The following WWOX variants were observed in gnomAD, a reference collection of about 807,000 sequenced individuals.
The protein encoded by WWOX is WW domain-containing oxidoreductase.
WWOX carries 69 observed loss-of-function variants against 46.2 expected under a neutral mutation model. That is an observed-to-expected ratio of 1.49 (90% CI 1.23 to 1.82). The LOEUF (loss-of-function observed/expected upper bound fraction) is 1.82. Among genes scored for constraint, WWOX ranks in the 40% most tolerant of loss-of-function variants. The pLI is 0.00. For missense variants in WWOX, 919 were observed against 542.6 expected (o/e 1.69, Z -6.89); for synonymous variants, 359 against 202.6 (o/e 1.77, Z -6.56).
intron 8 of WWOX, among the ~76,000 whole-genome samples, chr16:78,860,517 AC>A (rs1187669280): frequency 6.6e-6 from 1 of 152,104 alleles, no homozygotes; most frequent in Non-Finnish European, 1.5e-5. Context: ...GAAAAAATGG[AC>A]CTCTTATCAT....
intron 8 of WWOX, among the ~76,000 whole-genome samples, chr16:78,726,741 G>A (rs572727125): frequency 6.6e-6 from 1 of 151,338 alleles, no homozygotes; most frequent in Non-Finnish European, 1.5e-5. Flanking sequence ...TTTTTTGCCA[G>A]GGGATGCTGT....
chr16:78,157,436 T>C (rs550113981), intron 4 of WWOX, among the ~76,000 whole-genome samples: 3 of 152,262 alleles, frequency 2.0e-5, no homozygotes, highest in African/African-American at 7.2e-5. Context: ...TAAAAATGAG[T>C]AAATTTGAGA....
intron 8 of WWOX, among the ~76,000 whole-genome samples, chr16:78,802,982 T>A (rs972383384): frequency 2.6e-4 from 28 of 107,196 alleles, no homozygotes; most frequent in African/African-American, 4.9e-4. Context: ...GCAAGAAAGA[T>A]GAAATGATTT....
chr16:78,883,660 G>A (rs2044390202), intron 8 of WWOX, among the ~76,000 whole-genome samples: 1 of 151,766 alleles, frequency 6.6e-6, no homozygotes, highest in African/African-American at 2.4e-5. Flanking sequence ...GGAGATGGAG[G>A]TTGCAGTGAG....
At chr16:78,934,368 G>A (rs994305714) in intron 8 of WWOX, among the ~76,000 whole-genome samples, 6 of 128,960 alleles carry the variant, frequency 4.7e-5, no homozygotes, top group African/African-American at 1.7e-4. Context: ...ACTTAGCCAG[G>A]TGTGGTGGTG....
At chr16:78,622,680 G>C (rs1313605458) in intron 8 of WWOX, among the ~76,000 whole-genome samples, 1 of 70,220 alleles carries the variant, frequency 1.4e-5, no homozygotes, top group African/African-American at 6.1e-5. Context: ...ATGTAGGTGG[G>C]ATATGGGAGA....
rs142868785 is a variant in WWOX at position 78,678,608 on chromosome 16, C to G, written c.1056+245856C>G. 1.5e-3 allele frequency among the ~76,000 whole-genome samples: 235 copies of G among 152,140 alleles called. 1 individual carries two copies. Among genetic ancestry groups the G allele is most frequent in the African/African-American group, 5.5e-3 (227 of 41,492 alleles). On this transcript the variant is annotated intron_variant, in intron 8 of 8. Transcript: ENST00000566780. ...TAAAGAACTACAATAGGCATAGGTA[C>G]AGATCTGTAAAATATGAAAACAGGA... is the stretch of plus-strand genomic sequence containing the variant.
chr16:78,373,084 C>A (rs1258588601), intron 5 of WWOX, among the ~76,000 whole-genome samples: 1 of 152,134 alleles, frequency 6.6e-6, no homozygotes, highest in African/African-American at 2.4e-5. Flanking sequence ...TGCTTGCACA[C>A]TGGACAATGC....
chr16:78,907,033 G>A (rs1156713661), intron 8 of WWOX, among the ~76,000 whole-genome samples: 4 of 152,170 alleles, frequency 2.6e-5, no homozygotes, highest in African/African-American at 9.7e-5. Context: ...ATTGCAATAG[G>A]GAAAGAGTTT....
chr16:78,746,564 C>G (rs903607675), intron 8 of WWOX, among the ~76,000 whole-genome samples: 2 of 151,802 alleles, frequency 1.3e-5, no homozygotes, highest in South Asian at 4.2e-4. Flanking sequence ...AATGAACTTT[C>G]TTGCTCCTGG....
chr16:79,173,497 G>A (rs1310792485), intron 8 of WWOX, among the ~76,000 whole-genome samples: 1 of 152,170 alleles, frequency 6.6e-6, no homozygotes, highest in Non-Finnish European at 1.5e-5. Context: ...TTGAACTGGT[G>A]GCTTCTGATG....
chr16:78,668,370 G>A (rs374844024), intron 8 of WWOX, among the ~76,000 whole-genome samples: 3 of 152,154 alleles, frequency 2.0e-5, no homozygotes, highest in Admixed American at 1.3e-4. Flanking sequence ...TGGGAATTCC[G>A]TAAGTACTTT....
At chr16:79,134,420 T>G (rs190233952) in intron 8 of WWOX, among the ~76,000 whole-genome samples, 9 of 152,228 alleles carry the variant, frequency 5.9e-5, no homozygotes, top group Non-Finnish European at 1.0e-4. Context: ...AGGCAGGGGC[T>G]GGAGGGACTG....
intron 8 of WWOX, among the ~76,000 whole-genome samples, chr16:78,887,433 A>C (rs1460015291): frequency 1.3e-5 from 2 of 150,296 alleles, no homozygotes; most frequent in African/African-American, 4.9e-5. Flanking sequence ...TATGAAAGTA[A>C]GGTGGGAAGG....
intron 8 of WWOX, among the ~76,000 whole-genome samples, chr16:78,445,450 G>A (rs942829287): frequency 1.3e-5 from 2 of 152,174 alleles, no homozygotes; most frequent in Admixed American, 6.5e-5. Context: ...CAAGGTCCCT[G>A]TCCTCATGGG....
intron 8 of WWOX, among the ~76,000 whole-genome samples, chr16:78,603,958 A>T (rs1305689076): frequency 6.6e-6 from 1 of 152,056 alleles, no homozygotes; most frequent in African/African-American, 2.4e-5. Context: ...CCTGGGTAAC[A>T]TAGGGAAACC....
chr16:78,470,569 G>C (rs761603706), intron 8 of WWOX, among the ~76,000 whole-genome samples: 3 of 151,860 alleles, frequency 2.0e-5, no homozygotes, highest in African/African-American at 7.3e-5. Context: ...TTGCTCTGTC[G>C]CCCAGGCTGG....
intron 8 of WWOX, among the ~76,000 whole-genome samples, chr16:78,566,666 G>C (rs2044576177): frequency 6.6e-6 from 1 of 152,178 alleles, no homozygotes; most frequent in Non-Finnish European, 1.5e-5. Context: ...AGTCTCTCAG[G>C]ACAGGGCTCA....
intron 4 of WWOX, among the ~76,000 whole-genome samples, chr16:78,156,070 G>A (rs1230936618): frequency 6.6e-6 from 1 of 152,150 alleles, no homozygotes; most frequent in African/African-American, 2.4e-5. Flanking sequence ...GACTAGCAAC[G>A]GGTAATGCAT....
Sources: allele counts gnomAD v4.1 joint callset (sites outside exome capture counted in the v4.1 genomes callset), GRCh38; gene constraint gnomAD v4.1.1; transcripts MANE v1.5; gene names NCBI Gene and HGNC (gene_info 2026-07-23, HGNC 2026-07-21).